JAK1: variants seen among roughly 807,000 people sequenced by gnomAD.
JAK1 encodes Janus kinase 1.
JAK1 carries 16 observed loss-of-function variants against 136.6 expected under a neutral mutation model. The observed-to-expected ratio is 0.12, with a 90% CI of 0.08 to 0.18. The LOEUF is 0.18. JAK1 is among the 10% of genes least tolerant of loss of function. The pLI is 1.00. For synonymous variants in JAK1, 492 were observed against 519.5 expected, an observed-to-expected ratio of 0.95 and a Z score of 0.72; for missense variants, 859 against 1,450.1, an observed-to-expected ratio of 0.59 and a Z score of 6.62.
intron 11 of JAK1, among the ~76,000 whole-genome samples, chr1:64,853,043 C>T (rs919642100): frequency 5.3e-5 from 8 of 152,170 alleles, no homozygotes; most frequent in Non-Finnish European, 8.8e-5. Flanking sequence ...TTTTATTTAT[C>T]CCATGAAGAG....
At chr1:64,894,700 C>A (rs1256909317) in intron 1 of JAK1, among the ~76,000 whole-genome samples, 3 of 152,112 alleles carry the variant, frequency 2.0e-5, no homozygotes, top group Non-Finnish European at 4.4e-5. Flanking sequence ...TCGCTTGAAC[C>A]CGGGAGGCAG....
In JAK1 at chr1:64,985,370, C is replaced by A. The variant is rs1258394816; in HGVS notation, c.-78+59110G>T. 7 of 1,611,168 alleles carry A rather than the reference C, an allele frequency of 4.3e-6. No homozygotes were observed. In the African/African-American group the frequency reaches 6.7e-5, roughly 15 times the overall value. ...GTGCCATCCTTGCACTCTCATCTTT[C>A]ATCTCCTGGATGTCTTGGGATACAT... On this transcript the variant is annotated intron_variant, in intron 2 of 25. Transcript: ENST00000671954.
intron 1 of JAK1, among the ~76,000 whole-genome samples, chr1:64,905,910 C>T (rs551114072): frequency 1.1e-4 from 16 of 152,260 alleles, no homozygotes; most frequent in Admixed American, 4.6e-4. Context: ...ATGTCGGTGG[C>T]CCAAGGACTC....
At chr1:65,035,857 A>G (rs1422057858) in intron 2 of JAK1, among the ~76,000 whole-genome samples, 3 of 152,140 alleles carry the variant, frequency 2.0e-5, no homozygotes, top group Non-Finnish European at 4.4e-5. Flanking sequence ...TCATGAGGTC[A>G]CAAGCTCGAG....
chr1:65,053,391 A>T (rs1322357911), intron 1 of JAK1, among the ~76,000 whole-genome samples: 1 of 152,214 alleles, frequency 6.6e-6, no homozygotes, highest in African/African-American at 2.4e-5. Context: ...TGGTGAAGAC[A>T]AAGTATGAAT....
chr1:64,839,772 G>A lies in JAK1; in HGVS notation c.2673C>T (p.Leu891=), dbSNP rs757600853. ...LGEGHFGKVE[L]CRYDPEGDNT... Reference sequence around the variant, plus strand: ...TGTCCCCTTCGGGGTCATACCTGCAGAGCTCAACCTTCCCAAAGTGGCCCT... The same window carrying A: ...TGTCCCCTTCGGGGTCATACCTGCAAAGCTCAACCTTCCCAAAGTGGCCCT... The change falls in exon 20 of 25, where the codon CTC becomes CTT. Residue 891 remains leucine (L), a synonymous_variant. Coordinates refer to ENST00000342505, the MANE Select transcript of JAK1 (RefSeq NM_002227.4). The A allele has an allele frequency of 1.3e-5, 21 of 1,610,678 alleles. No homozygotes were observed. The South Asian group carries it at 1.8e-4, about 14-fold the overall frequency.
intron 1 of JAK1, among the ~76,000 whole-genome samples, chr1:64,951,578 T>G (rs994722948): frequency 1.3e-5 from 2 of 150,834 alleles, no homozygotes; most frequent in African/African-American, 4.9e-5. Context: ...CAGAAGCCCT[T>G]AAAGCATACC....
At chr1:65,014,687 C>CTT (rs766477302) in intron 2 of JAK1, among the ~76,000 whole-genome samples, 9 of 142,748 alleles carry the variant, frequency 6.3e-5, no homozygotes, top group African/African-American at 1.0e-4. Flanking sequence ...TTATTCTATT[C>CTT]TTTTTTTTTT....
At chr1:64,946,395 G>A in intron 1 of JAK1, among the ~76,000 whole-genome samples, 1 of 152,136 alleles carries the variant, frequency 6.6e-6, no homozygotes, top group Admixed American at 6.5e-5. Flanking sequence ...CAAGGCTTTA[G>A]GTAACTTCCC....
chr1:65,053,732 A>G (rs1209897766), intron 1 of JAK1, among the ~76,000 whole-genome samples: 1 of 152,214 alleles, frequency 6.6e-6, no homozygotes, highest in Non-Finnish European at 1.5e-5. Context: ...GCACACCCAT[A>G]GTCTCAGCTA....
intron 4 of JAK1, among the ~76,000 whole-genome samples, chr1:64,874,764 T>C (rs540556345): frequency 6.6e-6 from 1 of 152,298 alleles, no homozygotes; most frequent in African/African-American, 2.4e-5. Context: ...CAACTCCCTC[T>C]TTCCCTGCAA....
intron 1 of JAK1, among the ~76,000 whole-genome samples, chr1:64,943,467 T>C (rs1018633924): frequency 6.6e-5 from 10 of 152,192 alleles, no homozygotes; most frequent in African/African-American, 9.6e-5. Context: ...TGTAAAAACA[T>C]GGATTTCAAG....
intron 2 of JAK1, among the ~76,000 whole-genome samples, chr1:64,977,720 C>T (rs868624886): frequency 2.6e-5 from 4 of 152,076 alleles, no homozygotes; most frequent in African/African-American, 7.2e-5. Context: ...CGTGAGCCAC[C>T]GCGCCTGACC....
At chr1:64,979,652 A>C (rs1646526671) in intron 2 of JAK1, 1 of 152,228 alleles carries the variant, frequency 6.6e-6, no homozygotes, top group Admixed American at 6.5e-5. Context: ...GATCAGCTAC[A>C]TGTATAGGGT....
intron 1 of JAK1, among the ~76,000 whole-genome samples, chr1:64,958,331 A>G (rs1646227438): frequency 6.6e-6 from 1 of 152,240 alleles, no homozygotes; most frequent in Non-Finnish European, 1.5e-5. Context: ...TAAAAACATG[A>G]GGTTCCTTGG....
chr1:64,923,504 A>T (rs752684749), intron 1 of JAK1, among the ~76,000 whole-genome samples: 1 of 152,242 alleles, frequency 6.6e-6, no homozygotes, highest in Non-Finnish European at 1.5e-5. Flanking sequence ...ACTTTGGTTC[A>T]GATCACATGG....
intron 17 of JAK1, 77 bp from the exon 18 acceptor site, chr1:64,841,678 G>T: frequency 1.4e-6 from 2 of 1,455,406 alleles, no homozygotes; most frequent in Non-Finnish European, 1.9e-6. Context: ...AGGTGGAATT[G>T]CCAATTCCTC....
chr1:64,940,240 A>G (rs1645864331), intron 1 of JAK1, among the ~76,000 whole-genome samples: 1 of 152,198 alleles, frequency 6.6e-6, no homozygotes, highest in Non-Finnish European at 1.5e-5. Flanking sequence ...GCAAATACAC[A>G]TAACTCAACA....
At chr1:64,841,695 T>TGA in intron 17 of JAK1, 94 bp from the exon 18 acceptor site, 1 of 1,242,086 alleles carries the variant, frequency 8.1e-7, no homozygotes, top group Non-Finnish European at 1.2e-6. Context: ...CCTCATTCGA[T>TGA]TCTCAACATC....
Sources: allele counts gnomAD v4.1 joint callset (sites outside exome capture counted in the v4.1 genomes callset), GRCh38; gene constraint gnomAD v4.1.1; transcripts MANE v1.5; gene names NCBI Gene and HGNC (gene_info 2026-07-23, HGNC 2026-07-21).